The following CADPS2 variants were observed in gnomAD, a reference collection of about 807,000 sequenced individuals.
CADPS2 encodes the protein calcium dependent secretion activator 2.
Under a neutral mutation model 172.5 loss-of-function variants are expected in CADPS2, and 93 were observed. The observed-to-expected ratio is 0.54, with a 90% CI of 0.46 to 0.64. CADPS2 has a LOEUF of 0.64. CADPS2 is among the 30% of genes least tolerant of loss of function. The pLI is 0.00. For missense variants in CADPS2, 1,420 were observed against 1,565.9 expected (o/e 0.91, Z 1.57); for synonymous variants, 546 against 555.2 (o/e 0.98, Z 0.23).
chr7:122,439,804 C>G (rs140377486), intron 16 of CADPS2, among the ~76,000 whole-genome samples: 2 of 152,056 alleles, frequency 1.3e-5, no homozygotes, highest in Admixed American at 6.6e-5. Flanking sequence ...TATTACTAAA[C>G]TTTAAGATTA....
intron 28 of CADPS2, among the ~76,000 whole-genome samples, chr7:122,325,842 T>G (rs2033726655): frequency 6.6e-6 from 1 of 152,082 alleles, no homozygotes; most frequent in South Asian, 2.1e-4. Context: ...ACGGAAACAG[T>G]GTTTTTGCAC....
intron 7 of CADPS2, among the ~76,000 whole-genome samples, chr7:122,580,971 C>T (rs1223638800): frequency 6.6e-6 from 1 of 152,148 alleles, no homozygotes; most frequent in African/African-American, 2.4e-5. Context: ...ACCCCTTACA[C>T]AACCAAATCC....
chr7:122,360,556 A>G (rs1269252697), intron 27 of CADPS2, among the ~76,000 whole-genome samples: 1 of 152,176 alleles, frequency 6.6e-6, no homozygotes, highest in African/African-American at 2.4e-5. Flanking sequence ...AACTCAGGTG[A>G]TATGTTCTTA....
chr7:122,827,076 T>G (rs1805114042), intron 1 of CADPS2, among the ~76,000 whole-genome samples: 1 of 151,988 alleles, frequency 6.6e-6, no homozygotes, highest in Non-Finnish European at 1.5e-5. Flanking sequence ...AAAACACCAA[T>G]GTCAAGAATG....
rs1179371782 is a variant in CADPS2, at chr7:122,777,735, A to AG, written c.340-40668dup. Reference sequence around the variant, plus strand: ...TCTCCTTGCAGCCACCTTGAGAAGAAGAGCATGTTTGTTCCCCTTCCGCCC... The same window carrying AG: ...TCTCCTTGCAGCCACCTTGAGAAGAAGGAGCATGTTTGTTCCCCTTCCGCCC... On this transcript the variant is annotated intron_variant, in intron 1 of 29. Coordinates refer to ENST00000449022, the MANE Select transcript of CADPS2 (RefSeq NM_017954.11). Among the ~76,000 whole-genome samples the AG allele has an allele frequency of 8.5e-5, 13 of 152,062 alleles. 1 individual carries two copies. In the South Asian group the frequency reaches 2.5e-3, roughly 29 times the overall value.
At chr7:122,652,709 G>T (rs1387708946) in intron 3 of CADPS2, among the ~76,000 whole-genome samples, 1 of 152,062 alleles carries the variant, frequency 6.6e-6, no homozygotes, top group Non-Finnish European at 1.5e-5. Flanking sequence ...TTCTATGAAT[G>T]CGCACCACTG....
chr7:122,641,552 A>C (rs2134520665), intron 3 of CADPS2, among the ~76,000 whole-genome samples: 1 of 152,328 alleles, frequency 6.6e-6, no homozygotes, highest in African/African-American at 2.4e-5. Flanking sequence ...AAAGAGATAA[A>C]GAACCATGAA....
chr7:122,450,372 A>G (rs548345114), intron 15 of CADPS2, among the ~76,000 whole-genome samples: 2 of 152,274 alleles, frequency 1.3e-5, no homozygotes, highest in Non-Finnish European at 2.9e-5. Context: ...AGGCCTAATA[A>G]TAAGGGAGAA....
At chr7:122,488,542 G>A (rs1189317841) in intron 11 of CADPS2, among the ~76,000 whole-genome samples, 1 of 152,192 alleles carries the variant, frequency 6.6e-6, no homozygotes, top group Non-Finnish European at 1.5e-5. Context: ...TCATTGCCAG[G>A]TGCCCTGGCA....
At chr7:122,375,114 T>C (rs532354646) in intron 25 of CADPS2, among the ~76,000 whole-genome samples, 1 of 152,278 alleles carries the variant, frequency 6.6e-6, no homozygotes, top group East Asian at 1.9e-4. Context: ...AAAATGTCCA[T>C]ACTACTTAAA....
chr7:122,582,841 A>T (rs913235418), intron 6 of CADPS2, among the ~76,000 whole-genome samples: 2 of 152,054 alleles, frequency 1.3e-5, no homozygotes, highest in Non-Finnish European at 2.9e-5. Flanking sequence ...ATAGGTTTCC[A>T]TAGAATTTGC....
intron 15 of CADPS2, among the ~76,000 whole-genome samples, chr7:122,447,130 G>T (rs544941109): frequency 2.0e-5 from 3 of 149,172 alleles, no homozygotes; most frequent in African/African-American, 7.4e-5. Context: ...CATTTTGCAG[G>T]GGTTAGATCT....
intron 28 of CADPS2, among the ~76,000 whole-genome samples, chr7:122,342,281 A>G (rs2036901737): frequency 6.6e-6 from 1 of 152,192 alleles, no homozygotes; most frequent in Admixed American, 6.5e-5. Context: ...AAACTCTTGA[A>G]GATATCAATC....
rs2031846013 is a variant in CADPS2 at position 122,319,033 on chromosome 7, T to C, written c.*1132A>G. On this transcript the variant is annotated 3_prime_UTR_variant, in exon 30 of 30. Coordinates refer to ENST00000449022, the MANE Select transcript of CADPS2 (RefSeq NM_017954.11). ...CATAATACAATTATCTCTCAAACCC[T>C]AGCAAGAAAATATTTTGAGAGAACC... is the stretch of plus-strand genomic sequence containing the variant. The C allele has an allele frequency of 6.6e-6, 1 of 152,162 alleles. No individual in the cohort carries two copies. Among genetic ancestry groups the C allele is most frequent in the Admixed American group, 6.5e-5 (1 of 15,280 alleles). The allele number at this position is 152,162 out of a possible 1,614,324, so 9.4% of individuals were successfully genotyped here.
At chr7:122,458,399 C>T (rs2054043959) in intron 14 of CADPS2, among the ~76,000 whole-genome samples, 1 of 152,104 alleles carries the variant, frequency 6.6e-6, no homozygotes, top group African/African-American at 2.4e-5. Flanking sequence ...TGATGTATTA[C>T]TTGGATGGTC....
At chr7:122,350,005 T>G (rs1408723951) in intron 27 of CADPS2, among the ~76,000 whole-genome samples, 1 of 152,202 alleles carries the variant, frequency 6.6e-6, no homozygotes, top group Non-Finnish European at 1.5e-5. Context: ...AAATATACTA[T>G]TCCAGCCTCA....
intron 2 of CADPS2, chr7:122,676,840 T>A: frequency 1.8e-6 from 1 of 567,896 alleles, no homozygotes; most frequent in African/African-American, 1.9e-5. Context: ...GTGACAGTAT[T>A]TTTTTTTTCC....
chr7:122,416,072 G>T lies in CADPS2; in HGVS notation c.2569C>A (p.His857Asn). The T allele has an allele frequency of 6.5e-7, 1 of 1,528,942 alleles. No homozygotes were observed. 94.7% of individuals were successfully genotyped at this position (1,528,942 alleles called of 1,614,324 possible). The change falls in exon 18 of 30, where the codon CAT becomes AAT. Residue 857 changes from histidine to asparagine, a missense_variant. Coordinates refer to ENST00000449022, the MANE Select transcript of CADPS2 (RefSeq NM_017954.11). ...CIEVLQQNEE[H>N]HAEGREAFAW... is the part of the protein sequence containing the mutation. Reference sequence around the variant, plus strand: ...AAACAGGTCATCACCTCTGCATGATGCTCTTCATTCTGCTGTAAGACTTCT... The same window carrying T: ...AAACAGGTCATCACCTCTGCATGATTCTCTTCATTCTGCTGTAAGACTTCT...
intron 3 of CADPS2, among the ~76,000 whole-genome samples, chr7:122,649,346 T>C (rs1034459121): frequency 2.6e-5 from 4 of 152,248 alleles, no homozygotes; most frequent in African/African-American, 9.6e-5. Context: ...AGAATTGGGT[T>C]CCCACACTCC....
Sources: gnomAD v4.1 joint callset for allele counts (sites outside exome capture counted in the v4.1 genomes callset) on GRCh38, gnomAD v4.1.1 for gene constraint, MANE v1.5 for transcripts, NCBI Gene and HGNC (gene_info 2026-07-23, HGNC 2026-07-21) for gene names.